The following RPS6KA6 variants were observed in gnomAD, a reference collection of about 807,000 sequenced individuals.
RPS6KA6 encodes the protein ribosomal protein S6 kinase A6, also known as ribosomal protein S6 kinase alpha-6.
A neutral mutation model predicts 65.4 loss-of-function variants in RPS6KA6; 27 were observed. The observed-to-expected ratio is 0.41, with a 90% CI of 0.30 to 0.57. The LOEUF (loss-of-function observed/expected upper bound fraction) is 0.57. Among genes scored for constraint, RPS6KA6 ranks in the 20% least tolerant of loss-of-function variants. RPS6KA6 has a pLI of 0.24. For synonymous variants in RPS6KA6, 190 were observed against 184.2 expected (o/e 1.03, Z -0.26); for missense variants, 486 against 555.6 (o/e 0.87, Z 1.26).
chrX:84,187,748 C>G (rs1436803005), intron 1 of RPS6KA6, 71 bp downstream of exon 1: 4 of 1,052,150 alleles, frequency 3.8e-6, no homozygotes, highest in Non-Finnish European at 3.9e-6. Context: ...CTCCTCTCTC[C>G]GTCCCCAGCC....
chrX:84,149,530 T>C (rs2035262051), intron 3 of RPS6KA6, among the ~76,000 whole-genome samples: 1 of 111,978 alleles, frequency 8.9e-6, no homozygotes, highest in Non-Finnish European at 1.9e-5. Flanking sequence ...GATACTGTAA[T>C]AGCAAGCATG....
At chrX:84,151,840 C>A (rs1433873216) in intron 3 of RPS6KA6, among the ~76,000 whole-genome samples, 1 of 112,075 alleles carries the variant, frequency 8.9e-6, no homozygotes, top group Non-Finnish European at 1.9e-5. Context: ...TTTGAAGTCA[C>A]TGCCTTGATT....
chrX:84,102,010 G>A (rs1190276467), intron 18 of RPS6KA6, 27 bp downstream of exon 18: 2 of 1,127,209 alleles, frequency 1.8e-6, no homozygotes, highest in East Asian at 3.2e-5. Context: ...AGAATGAAAG[G>A]CAAATGGTGA....
chrX:84,159,923 A>T (rs1461027036), intron 2 of RPS6KA6, among the ~76,000 whole-genome samples: 1 of 110,874 alleles, frequency 9.0e-6, no homozygotes, highest in Non-Finnish European at 1.9e-5. Context: ...CTAAGGAAAG[A>T]GGATTCAGAA....
In RPS6KA6 at chrX:84,095,289, G is replaced by T. The variant is rs182624735; in HGVS notation, c.1971+905C>A. Among the ~76,000 whole-genome samples, 984 of 112,355 alleles carry T rather than the reference G, an allele frequency of 8.8e-3. 15 individuals are homozygous for T. Among genetic ancestry groups the T allele is most frequent in the African/African-American group, 0.031 (949 of 30,967 alleles). On this transcript the variant is annotated intron_variant, in intron 20 of 21. Coordinates refer to ENST00000262752, the MANE Select transcript of RPS6KA6 (RefSeq NM_014496.5). ...TAAGCAATTACTTTTGTCATAAAATGTGTTCTACTTCAAATTGTAGCTTAA... is the reference window on the plus strand; with the variant it reads ...TAAGCAATTACTTTTGTCATAAAATTTGTTCTACTTCAAATTGTAGCTTAA...
chrX:84,161,205 TAC>T (rs1279587419), intron 2 of RPS6KA6, among the ~76,000 whole-genome samples: 1 of 111,450 alleles, frequency 9.0e-6, no homozygotes, highest in Non-Finnish European at 1.9e-5. Flanking sequence ...ACTTTCAACT[TAC>T]AGTGAGTTTA....
intron 20 of RPS6KA6, among the ~76,000 whole-genome samples, chrX:84,092,853 T>A (rs1419793075): frequency 9.0e-6 from 1 of 111,487 alleles, no homozygotes; most frequent in East Asian, 2.8e-4. Flanking sequence ...GGAAATGGAA[T>A]CAGTATGTAG....
intron 12 of RPS6KA6, among the ~76,000 whole-genome samples, chrX:84,111,190 T>C (rs1405451155): frequency 9.1e-6 from 1 of 109,873 alleles, no homozygotes; most frequent in Non-Finnish European, 1.9e-5. Flanking sequence ...CTTTGAGAAA[T>C]ATGGGATAAT....
intron 1 of RPS6KA6, among the ~76,000 whole-genome samples, chrX:84,167,184 A>C (rs1390388310): frequency 2.7e-5 from 3 of 112,039 alleles, no homozygotes; most frequent in Non-Finnish European, 5.6e-5. Context: ...GTAAGAAATC[A>C]TGGAGACCAG....
chrX:84,185,319 G>T (rs887782946), intron 1 of RPS6KA6, among the ~76,000 whole-genome samples: 2 of 111,239 alleles, frequency 1.8e-5, no homozygotes, highest in South Asian at 7.5e-4. Context: ...CCCTTTTCAG[G>T]CCCATTCTCT....
At chrX:84,167,398 G>T (rs951474096) in intron 1 of RPS6KA6, among the ~76,000 whole-genome samples, 1 of 111,968 alleles carries the variant, frequency 8.9e-6, no homozygotes, top group African/African-American at 3.2e-5. Flanking sequence ...CAACATCGAT[G>T]AATCTTAAAA....
chrX:84,086,111 C>T (rs1030328962), intron 20 of RPS6KA6, among the ~76,000 whole-genome samples: 2 of 110,842 alleles, frequency 1.8e-5, no homozygotes, highest in East Asian at 2.8e-4. Context: ...TAAAAATCAG[C>T]CCCTGGTTTT....
intron 1 of RPS6KA6, among the ~76,000 whole-genome samples, chrX:84,178,576 G>A (rs2035802882): frequency 9.0e-6 from 1 of 111,539 alleles, no homozygotes; most frequent in South Asian, 3.7e-4. Context: ...CTCAGTAAGT[G>A]CAATTCTGAA....
chrX:84,062,542 CCTAA>C lies in RPS6KA6; in HGVS notation c.*1731_*1734del, dbSNP rs2033317529. The C allele has an allele frequency of 9.0e-6, 1 of 111,329 alleles. No individual in the cohort carries two copies. Among genetic ancestry groups the C allele is most frequent in the African/African-American group, 3.3e-5 (1 of 30,731 alleles). The allele number at this position is 111,329 out of a possible 1,213,427, so 9.2% of individuals were successfully genotyped here. A position where few individuals can be genotyped will look rare whatever the true frequency, so the allele number is the denominator to read the frequency against. On this transcript the variant is annotated 3_prime_UTR_variant, in exon 22 of 22. Coordinates refer to ENST00000262752, the MANE Select transcript of RPS6KA6 (RefSeq NM_014496.5). ...ACATAAAAAGCCATAAGACATGATA[CCTAA>C]CTACTTCTAAGTAATTATTTTTCAT... is the stretch of plus-strand genomic sequence containing the variant.
chrX:84,186,349 T>C (rs1269271109), intron 1 of RPS6KA6, among the ~76,000 whole-genome samples: 1 of 112,325 alleles, frequency 8.9e-6, no homozygotes, highest in Non-Finnish European at 1.9e-5. Flanking sequence ...GTAAGTTACA[T>C]ACATGAATAT....
Position 84,073,849 on chromosome X carries a change from T to G in RPS6KA6, c.1972-8738A>C, listed in dbSNP as rs764055827. ...TAATGGGATATTATCTCACCCCAAT[T>G]AGAATGGCTAGTACAAAAATGACAA... is the stretch of plus-strand genomic sequence containing the variant. On this transcript the variant is annotated intron_variant, in intron 20 of 21. Coordinates refer to ENST00000262752, the MANE Select transcript of RPS6KA6 (RefSeq NM_014496.5). Among the ~76,000 whole-genome samples, 3 of 110,693 alleles carry G rather than the reference T, an allele frequency of 2.7e-5. No individual in the cohort carries two copies. In the South Asian group the frequency reaches 1.1e-3, roughly 42 times the overall value.
At chrX:84,175,494 G>T (rs900827338) in intron 1 of RPS6KA6, among the ~76,000 whole-genome samples, 1 of 111,364 alleles carries the variant, frequency 9.0e-6, no homozygotes, top group African/African-American at 3.3e-5. Flanking sequence ...TATATGCTAG[G>T]TATTACATAG....
intron 10 of RPS6KA6, 48 bp downstream of exon 10, chrX:84,117,336 A>G: frequency 1.1e-6 from 1 of 882,845 alleles, no homozygotes; most frequent in South Asian, 2.6e-5. Context: ...TCAAAACTGA[A>G]AGCAAGAGAT....
At chrX:84,176,455 T>A (rs1294195949) in intron 1 of RPS6KA6, among the ~76,000 whole-genome samples, 1 of 112,238 alleles carries the variant, frequency 8.9e-6, no homozygotes, top group Non-Finnish European at 1.9e-5. Flanking sequence ...CACATTAAAA[T>A]ACTACCTTTG....
Sources: gnomAD v4.1 joint callset for allele counts (sites outside exome capture counted in the v4.1 genomes callset) on GRCh38, gnomAD v4.1.1 for gene constraint, MANE v1.5 for transcripts, NCBI Gene and HGNC (gene_info 2026-07-23, HGNC 2026-07-21) for gene names.